Variants in ESRRB observed in about 807,000 individuals in gnomAD.
ESRRB encodes steroid hormone receptor ERR2.
A neutral mutation model predicts 46.0 loss-of-function variants in ESRRB; 16 were observed. The ratio of observed to expected loss-of-function variants is 0.35; its 90% CI spans 0.24 to 0.53. The LOEUF is 0.53. Among genes scored for constraint, ESRRB ranks in the 20% least tolerant of loss-of-function variants. The pLI, the probability that ESRRB is intolerant of heterozygous loss-of-function variation, is 0.93. For synonymous variants in ESRRB, 246 were observed against 259.6 expected, an observed-to-expected ratio of 0.95 and a Z score of 0.50; for missense variants, 488 against 607.4, an observed-to-expected ratio of 0.80 and a Z score of 2.07.
intron 1 of ESRRB, among the ~76,000 whole-genome samples, chr14:76,429,595 AC>A (rs1313040264): frequency 1.3e-5 from 2 of 152,090 alleles, no homozygotes; most frequent in African/African-American, 2.4e-5. Flanking sequence ...TACTAAAAAT[AC>A]AAAATTAACT....
Position 76,499,952 on chromosome 14 carries a change from A to G in ESRRB, c.*1494A>G, listed in dbSNP as rs1890597820. 6.2e-7 allele frequency: 1 copy of G among 1,612,500 alleles called. No individual in the cohort carries two copies. Among genetic ancestry groups the G allele is most frequent in the African/African-American group, 1.3e-5 (1 of 75,022 alleles). On this transcript the variant is annotated 3_prime_UTR_variant, in exon 7 of 7. Coordinates refer to ENST00000644823, the MANE Select transcript of ESRRB (RefSeq NM_001379180.1). The stretch of plus-strand genomic sequence containing the variant: ...GCCCCTTCCAATCAGCTGCCTTCAC[A>G]AGCAGGGATCAGAGCAACTCCCCGG...
At chr14:76,456,598 G>A (rs878943734) in intron 2 of ESRRB, among the ~76,000 whole-genome samples, 4 of 152,164 alleles carry the variant, frequency 2.6e-5, no homozygotes, top group Admixed American at 2.6e-4. Context: ...ACAGGTTGCA[G>A]GTGGCTAGTC....
chr14:76,376,249 C>G lies in ESRRB; in HGVS notation c.-153C>G, dbSNP rs959481309. On this transcript the variant is annotated 5_prime_UTR_variant, in exon 1 of 7. Coordinates refer to ENST00000644823, the MANE Select transcript of ESRRB (RefSeq NM_001379180.1). The surrounding 1 kb of genome is among the most constrained non-coding windows in gnomAD (Gnocchi z 4.1). ...TGTGCGCGCACGGCTCTCTGCCTCC[C>G]TCTCCCCCGCCGCGGCCGCCTCCTC... is the stretch of plus-strand genomic sequence containing the variant. 10 of 446,880 alleles carry G rather than the reference C, an allele frequency of 2.2e-5. No individual in the cohort carries two copies. The highest frequency in any genetic ancestry group is 3.7e-5 in the Non-Finnish European group (10 of 271,366). 27.7% of individuals were successfully genotyped at this position (446,880 alleles called of 1,614,324 possible). A position where few individuals can be genotyped will look rare whatever the true frequency, so the allele number is the denominator to read the frequency against.
chr14:76,327,661 A>C (rs897942444), intron 1 of ESRRB, among the ~76,000 whole-genome samples: 1 of 152,058 alleles, frequency 6.6e-6, no homozygotes, highest in Non-Finnish European at 1.5e-5. Context: ...GAATGGCGGC[A>C]CTGGAAGTTG....
chr14:76,339,317 C>T (rs1468923129), intron 1 of ESRRB, among the ~76,000 whole-genome samples: 1 of 152,120 alleles, frequency 6.6e-6, no homozygotes, highest in Non-Finnish European at 1.5e-5. Flanking sequence ...ATCTCCATAA[C>T]GGGGATACTA....
At chr14:76,336,440 G>A (rs1035483351) in intron 1 of ESRRB, among the ~76,000 whole-genome samples, 10 of 152,242 alleles carry the variant, frequency 6.6e-5, no homozygotes, top group Admixed American at 3.9e-4. Context: ...GCTGGTCTTG[G>A]ATGAAGGGGC....
intron 1 of ESRRB, among the ~76,000 whole-genome samples, chr14:76,377,431 C>T (rs1332059348): frequency 6.6e-6 from 1 of 152,182 alleles, no homozygotes; most frequent in East Asian, 1.9e-4. Flanking sequence ...TCCCCTTGGG[C>T]GCTGCGCACC....
chr14:76,329,445 G>T (rs1011872060), intron 1 of ESRRB, among the ~76,000 whole-genome samples: 3 of 152,182 alleles, frequency 2.0e-5, no homozygotes, highest in Admixed American at 6.5e-5. Flanking sequence ...GTGCACAGCA[G>T]AAAGATGCAC....
At chr14:76,313,749 C>G (rs938990260) in intron 1 of ESRRB, among the ~76,000 whole-genome samples, 2 of 152,216 alleles carry the variant, frequency 1.3e-5, no homozygotes, top group Non-Finnish European at 2.9e-5. Flanking sequence ...GTATATCTGT[C>G]CATCTTTTTC....
At chr14:76,415,586 G>A (rs959437934) in intron 1 of ESRRB, among the ~76,000 whole-genome samples, 4 of 152,202 alleles carry the variant, frequency 2.6e-5, no homozygotes, top group African/African-American at 7.2e-5. Context: ...CTTGAACCCG[G>A]AAGGTGGAGT....
intron 6 of ESRRB, 73 bp downstream of exon 6, chr14:76,491,789 G>A: frequency 6.8e-7 from 1 of 1,468,504 alleles, no homozygotes; most frequent in Non-Finnish European, 9.1e-7. Context: ...CATCCCTGGG[G>A]CCTGTGGGCA....
chr14:76,434,667 A>AAAAG (rs1464621206), intron 1 of ESRRB, among the ~76,000 whole-genome samples: 1 of 151,806 alleles, frequency 6.6e-6, no homozygotes, highest in Non-Finnish European at 1.5e-5. Context: ...CTCAAAAAAA[A>AAAAG]AAAAGAAAAG....
intron 1 of ESRRB, among the ~76,000 whole-genome samples, chr14:76,387,804 G>A (rs1175972039): frequency 6.6e-6 from 1 of 152,220 alleles, no homozygotes; most frequent in Non-Finnish European, 1.5e-5. Flanking sequence ...AGGATTTGAT[G>A]TAAGAAAAGT....
At chr14:76,392,297 AG>A (rs2139821680) in intron 1 of ESRRB, among the ~76,000 whole-genome samples, 1 of 152,346 alleles carries the variant, frequency 6.6e-6, no homozygotes, top group East Asian at 1.9e-4. Context: ...ACAGTGTCAC[AG>A]GGTTCCTGGG....
chr14:76,463,863 T>A (rs1416642557), intron 3 of ESRRB, among the ~76,000 whole-genome samples: 1 of 152,162 alleles, frequency 6.6e-6, no homozygotes, highest in Non-Finnish European at 1.5e-5. Context: ...TTGCTCCTTT[T>A]TTTATATTAA....
Position 76,482,670 on chromosome 14 carries a change from C to A in ESRRB, c.761C>A (p.Pro254His). ...KLYAMPPPGMPEGDIKALTTL... is the reference protein window; with the variant it reads ...KLYAMPPPGMHEGDIKALTTL... ...TATGCCATGCCTCCCCCTGGTATGC[C>A]TGAGGGGGACATCAAGGCCCTGACC... Residue 254 changes from proline to histidine, a missense_variant, in exon 5 of 7, where the codon CCT (proline) becomes CAT (histidine). By Grantham distance (77) the Pro-to-His change is moderately conservative. Transcript: ENST00000644823. This position sits in a 1 kb window ranked among gnomAD's most constrained non-coding sequence, Gnocchi z 4.3. The A allele has an allele frequency of 6.2e-7, 1 of 1,613,940 alleles. No homozygotes were observed. The highest frequency in any genetic ancestry group is 8.5e-7 in the Non-Finnish European group (1 of 1,179,820).
intron 1 of ESRRB, among the ~76,000 whole-genome samples, chr14:76,417,650 G>A (rs998616653): frequency 1.8e-4 from 27 of 152,204 alleles, no homozygotes; most frequent in African/African-American, 6.3e-4. Context: ...CTGTAGCAGC[G>A]AAATAACTGG....
At chr14:76,328,158 G>A (rs919278802) in intron 1 of ESRRB, among the ~76,000 whole-genome samples, 3 of 152,148 alleles carry the variant, frequency 2.0e-5, no homozygotes, top group African/African-American at 7.2e-5. Flanking sequence ...AACTGAGGCC[G>A]GTGGTCAGAG....
intron 1 of ESRRB, chr14:76,404,525 C>T (rs1403142164): frequency 6.6e-6 from 1 of 152,504 alleles, no homozygotes; most frequent in Non-Finnish European, 1.5e-5. Flanking sequence ...TAGCTAATGT[C>T]CTAGAATTTA....
Sources: gnomAD v4.1 joint callset for allele counts (sites outside exome capture counted in the v4.1 genomes callset) on GRCh38, gnomAD v4.1.1 for gene constraint, Gnocchi (gnomAD v3.1) non-coding constraint, MANE v1.5 for transcripts, NCBI Gene and HGNC (gene_info 2026-07-23, HGNC 2026-07-21) for gene names.